Variants in USHBP1 observed in about 807,000 individuals in gnomAD.
The protein encoded by USHBP1 is USH1 protein network component harmonin binding protein 1.
A neutral mutation model predicts 76.2 loss-of-function variants in USHBP1; 67 were observed. The ratio of observed to expected loss-of-function variants is 0.88; its 90% CI spans 0.72 to 1.08. The LOEUF (loss-of-function observed/expected upper bound fraction) is 1.08. USHBP1 is among the 50% of genes least tolerant of loss of function. The pLI, the probability that USHBP1 is intolerant of heterozygous loss-of-function variation, is 0.00. For missense variants in USHBP1, 931 were observed against 915.0 expected, an observed-to-expected ratio of 1.02 and a Z score of -0.23; for synonymous variants, 322 against 362.2, an observed-to-expected ratio of 0.89 and a Z score of 1.26.
At chr19:17,254,620 C>T (rs560239579) in intron 10 of USHBP1, among the ~76,000 whole-genome samples, 2 of 151,128 alleles carry the variant, frequency 1.3e-5, no homozygotes, top group East Asian at 3.9e-4. Context: ...CGGGCCATTG[C>T]ACTCCAGCCT....
chr19:17,258,496 G>T (rs912192252), intron 7 of USHBP1, 111 bp from the exon 8 acceptor site: 3 of 1,302,378 alleles, frequency 2.3e-6, no homozygotes, highest in Non-Finnish European at 3.1e-6. Flanking sequence ...ATTACCTGAG[G>T]TCAGGAGTTC....
At chr19:17,260,278 T>C (rs1049342025) in intron 4 of USHBP1, among the ~76,000 whole-genome samples, 21 of 152,196 alleles carry the variant, frequency 1.4e-4, no homozygotes, top group Admixed American at 7.9e-4. Context: ...AAAGTTTTTC[T>C]ACCAGCCTAA....
intron 8 of USHBP1, among the ~76,000 whole-genome samples, chr19:17,257,297 C>T (rs2073632008): frequency 6.9e-6 from 1 of 145,218 alleles, no homozygotes; most frequent in Admixed American, 6.8e-5. Context: ...TCCCAAAGTG[C>T]TGGGATTACA....
At chr19:17,252,086 A>G (rs2073560122) in intron 10 of USHBP1, 69 bp from the exon 11 acceptor site, 2 of 1,430,086 alleles carry the variant, frequency 1.4e-6, no homozygotes, top group African/African-American at 2.8e-5. Flanking sequence ...CACACTGGAC[A>G]TTGGAGCTGC....
intron 8 of USHBP1, 97 bp from the exon 9 acceptor site, chr19:17,256,817 C>G (rs1005762214): frequency 6.5e-7 from 1 of 1,534,890 alleles, no homozygotes; most frequent in Admixed American, 1.9e-5. Flanking sequence ...TTCCATCTCA[C>G]TGGCCACGAT....
chr19:17,249,884 G>A lies in USHBP1; in HGVS notation c.*341C>T, dbSNP rs547687706. ...CCCCATGAATCCCTCCCTGGGCTTC[G>A]GGAGACAGGCCAGTTGGAACTTCAG... is the stretch of plus-strand genomic sequence containing the variant. On this transcript the variant is annotated 3_prime_UTR_variant, in exon 13 of 13. Transcript: ENST00000252597. The A allele has an allele frequency of 6.9e-6, 2 of 291,592 alleles. No homozygotes were observed. The highest frequency in any genetic ancestry group is 2.3e-5 in the African/African-American group (1 of 43,636). 18.1% of individuals were successfully genotyped at this position (291,592 alleles called of 1,614,324 possible).
rs766311551 is a variant in USHBP1, at chr19:17,250,200, G to A, written c.*25C>T. The A allele has an allele frequency of 6.3e-6, 10 of 1,585,254 alleles. No individual in the cohort carries two copies. Among genetic ancestry groups the A allele is most frequent in the Non-Finnish European group, 8.6e-6 (10 of 1,166,354 alleles). The stretch of plus-strand genomic sequence containing the variant: ...ATGACATGCCACAGCTGTCTGGCAT[G>A]TCCAGACATGGCTGGGTAAGGGGCC... On this transcript the variant is annotated 3_prime_UTR_variant, in exon 13 of 13. Transcript: ENST00000252597.
chr19:17,263,992 C>T lies in USHBP1; in HGVS notation c.203+10G>A, dbSNP rs754136413. 2.1e-5 allele frequency: 32 copies of T among 1,559,638 alleles called. No individual in the cohort carries two copies. The East Asian group carries it at 2.5e-4, about 12-fold the overall frequency. ...ACTGGAGTGAAGGGCACAGACCAAG[C>T]GGGTCTTACCTGCTTCCTAGGCCTT... On this transcript the variant is annotated intron_variant, in intron 3 of 12. Coordinates refer to ENST00000252597, the MANE Select transcript of USHBP1 (RefSeq NM_031941.4).
chr19:17,251,448 G>C (rs1049410389), intron 12 of USHBP1, 134 bp downstream of exon 12: 7 of 1,247,166 alleles, frequency 5.6e-6, no homozygotes, highest in Non-Finnish European at 7.9e-6. Context: ...ACAGGTGTGA[G>C]CCACCACACC....
chr19:17,254,454 G>C (rs146858146), intron 10 of USHBP1, among the ~76,000 whole-genome samples: 2 of 151,042 alleles, frequency 1.3e-5, no homozygotes, highest in Non-Finnish European at 2.9e-5. Context: ...TTCAGAGTTC[G>C]AGACCAGCCT....
intron 4 of USHBP1, among the ~76,000 whole-genome samples, chr19:17,262,276 T>G (rs1385179054): frequency 6.6e-6 from 1 of 152,134 alleles, no homozygotes; most frequent in East Asian, 1.9e-4. Context: ...GTGCTGGGAT[T>G]ACAGGTGTGA....
In USHBP1 at chr19:17,258,314, G is replaced by T; in HGVS notation, c.1118C>A (p.Ala373Asp). The change falls in exon 8 of 13, where the codon GCC (alanine) becomes GAC (aspartate). Residue 373 changes from alanine to aspartate, a missense_variant. Coordinates refer to ENST00000252597, the MANE Select transcript of USHBP1 (RefSeq NM_031941.4). The stretch of plus-strand genomic sequence containing the variant: ...AGCTGCTTGCAGGTCACTCATGGGG[G>T]CTTCGTCTCCTGCTCCTGAGTCGGC... Reference protein sequence around the residue: ...READSGAGDEAPMSDLQAAEK... With the variant: ...READSGAGDEDPMSDLQAAEK... The T allele has an allele frequency of 6.2e-7, 1 of 1,614,046 alleles. No individual in the cohort carries two copies. Among genetic ancestry groups the T allele is most frequent in the South Asian group, 1.1e-5 (1 of 91,078 alleles).
intron 9 of USHBP1, 93 bp from the exon 10 acceptor site, chr19:17,255,699 A>G: frequency 2.2e-6 from 3 of 1,356,208 alleles, no homozygotes; most frequent in Middle Eastern, 5.3e-4. Flanking sequence ...AGGACTATTC[A>G]GACAAAAACT....
chr19:17,259,952 C>T lies in USHBP1; in HGVS notation c.713G>A (p.Gly238Asp), dbSNP rs202000350. The change falls in exon 5 of 13, where the codon GGC becomes GAC. Residue 238 changes from glycine to aspartate, a missense_variant. By Grantham distance (94) the Gly-to-Asp change is moderately conservative. Coordinates refer to ENST00000252597, the MANE Select transcript of USHBP1 (RefSeq NM_031941.4). ...AGAGCTGCTAGAACCACTGCCTGAG[C>T]CACCTGCTTGGTTGTGGGAAAGATG... ...CPHLSHNQAG[G>D]SGSGSSSSEA... 6.2e-7 allele frequency: 1 copy of T among 1,614,058 alleles called. No individual in the cohort carries two copies. Among genetic ancestry groups the T allele is most frequent in the Non-Finnish European group, 8.5e-7 (1 of 1,180,010 alleles).
chr19:17,252,841 C>G (rs1176167703), intron 10 of USHBP1, among the ~76,000 whole-genome samples: 1 of 150,970 alleles, frequency 6.6e-6, no homozygotes, highest in African/African-American at 2.4e-5. Context: ...AAGCTGGGAT[C>G]GCAGCACTGC....
chr19:17,255,452 C>G lies in USHBP1; in HGVS notation c.1625G>C (p.Gly542Ala). The G allele has an allele frequency of 1.2e-6, 2 of 1,614,150 alleles. No individual in the cohort carries two copies. Among genetic ancestry groups the G allele is most frequent in the Non-Finnish European group, 1.7e-6 (2 of 1,180,006 alleles). The change falls in exon 10 of 13, where the codon GGG becomes GCG. Residue 542 changes from glycine to alanine, a missense_variant. Transcript: ENST00000252597. ...GCTATGTCCGCCACTGCTGTTTGCC[C>G]CACCAGCCTGGAGCTCTGCCCGTTC... ...RWERAELQAG[G>A]ANSSGGHSSG...
intron 3 of USHBP1, 178 bp downstream of exon 3, chr19:17,263,824 C>CCACTG: frequency 1.3e-6 from 1 of 796,076 alleles, no homozygotes; most frequent in Admixed American, 3.6e-5. Flanking sequence ...CGAGATTGTG[C>CCACTG]CACTGCACTG....
In USHBP1 at chr19:17,259,669, G is replaced by T; in HGVS notation, c.832C>A (p.Leu278Ile). Residue 278 changes from leucine (L) to isoleucine (I), a missense_variant, in exon 6 of 13, where the codon CTT becomes ATT. Leu to Ile is a conservative substitution (Grantham distance 5, BLOSUM62 2). Transcript: ENST00000252597. ...RLRSHSSTQI[L>I]GSLPNQPLSP... ...AGGGGCTGGTTGGGAAGAGACCCAA[G>T]GATCTGGGTGCTGGAATGGCTGCGG... 6.2e-7 allele frequency: 1 copy of T among 1,614,118 alleles called. No individual in the cohort carries two copies. Among genetic ancestry groups the T allele is most frequent in the Non-Finnish European group, 8.5e-7 (1 of 1,180,010 alleles).
chr19:17,255,204 A>C (rs908533818), intron 10 of USHBP1, among the ~76,000 whole-genome samples, 181 bp downstream of exon 10: 2 of 151,972 alleles, frequency 1.3e-5, no homozygotes, highest in African/African-American at 4.8e-5. Flanking sequence ...AGACAGGAGA[A>C]TCTCTTGAAC....
Sources: gnomAD v4.1 joint callset for allele counts (sites outside exome capture counted in the v4.1 genomes callset) on GRCh38, gnomAD v4.1.1 for gene constraint, MANE v1.5 for transcripts, NCBI Gene and HGNC (gene_info 2026-07-23, HGNC 2026-07-21) for gene names.